Variants in OTUD7A observed in about 807,000 individuals in gnomAD.
OTUD7A encodes the protein OTU domain-containing protein 7A.
A neutral mutation model predicts 65.7 loss-of-function variants in OTUD7A; 12 were observed. The ratio of observed to expected loss-of-function variants is 0.18; its 90% confidence interval spans 0.12 to 0.30. The LOEUF (loss-of-function observed/expected upper bound fraction) is 0.30, where lower values mean the gene tolerates loss of function less well. OTUD7A is among the 10% of genes least tolerant of loss of function. The pLI, the probability that OTUD7A is intolerant of heterozygous loss-of-function variation, is 1.00. For missense variants in OTUD7A, 1,148 were observed against 1,304.8 expected (o/e 0.88, Z 1.85); for synonymous variants, 641 against 586.3 (o/e 1.09, Z -1.35).
intron 5 of OTUD7A, among the ~76,000 whole-genome samples, chr15:31,551,490 T>A (rs1888322359): frequency 6.6e-6 from 1 of 152,150 alleles, no homozygotes; most frequent in Non-Finnish European, 1.5e-5. Flanking sequence ...AGGCAGGTGG[T>A]TTCACACGTG....
At chr15:31,641,799 C>T (rs1176289124) in intron 3 of OTUD7A, among the ~76,000 whole-genome samples, 1 of 152,136 alleles carries the variant, frequency 6.6e-6, no homozygotes, top group Non-Finnish European at 1.5e-5. Flanking sequence ...CTTACTAGTT[C>T]CAAAAAATGC....
chr15:31,794,627 T>G (rs1467000196), intron 1 of OTUD7A, among the ~76,000 whole-genome samples: 1 of 77,458 alleles, frequency 1.3e-5, no homozygotes, highest in Non-Finnish European at 3.2e-5. Flanking sequence ...GGGAATAGAA[T>G]AGTGAAAAAA....
intron 1 of OTUD7A, among the ~76,000 whole-genome samples, chr15:31,739,625 C>T (rs887917976): frequency 3.3e-5 from 5 of 152,050 alleles, no homozygotes; most frequent in Non-Finnish European, 7.4e-5. Context: ...CAGAGTGTCA[C>T]TCTGTTGCCC....
chr15:31,849,906 T>C (rs1296487781), intron 1 of OTUD7A, among the ~76,000 whole-genome samples: 1 of 152,118 alleles, frequency 6.6e-6, no homozygotes, highest in Non-Finnish European at 1.5e-5. Context: ...AAACAACAGG[T>C]CCTGGAAAGG....
chr15:31,616,976 A>T (rs1226732215), intron 3 of OTUD7A, among the ~76,000 whole-genome samples: 1 of 152,222 alleles, frequency 6.6e-6, no homozygotes, highest in Non-Finnish European at 1.5e-5. Context: ...TACCGATCTC[A>T]AACAGTTTTA....
At chr15:31,535,687 T>G (rs1595591993) in intron 5 of OTUD7A, among the ~76,000 whole-genome samples, 4 of 147,926 alleles carry the variant, frequency 2.7e-5, no homozygotes, top group African/African-American at 1.0e-4. Context: ...TTTTTTTTTT[T>G]TTTTTTTGAG....
chr15:31,587,547 A>T (rs371564750), intron 3 of OTUD7A, among the ~76,000 whole-genome samples: 6 of 151,986 alleles, frequency 3.9e-5, no homozygotes, highest in African/African-American at 1.4e-4. Flanking sequence ...AGGCTGAGGC[A>T]GGAGAATTGC....
chr15:31,816,272 C>A (rs1896547099), intron 1 of OTUD7A, among the ~76,000 whole-genome samples: 1 of 152,206 alleles, frequency 6.6e-6, no homozygotes, highest in African/African-American at 2.4e-5. Context: ...CTGGACTAAA[C>A]AAAGGAGATA....
intron 1 of OTUD7A, among the ~76,000 whole-genome samples, chr15:31,728,285 T>C (rs1450049135): frequency 6.6e-6 from 1 of 152,182 alleles, no homozygotes. Flanking sequence ...ACCTTCAAAA[T>C]AGCATTGAGG....
chr15:31,815,676 C>T (rs939611925), intron 1 of OTUD7A, among the ~76,000 whole-genome samples: 53 of 152,310 alleles, frequency 3.5e-4, no homozygotes, highest in African/African-American at 1.1e-3. Flanking sequence ...GAAGTGGTGG[C>T]GGCAGGATGG....
In OTUD7A at chr15:31,569,809, T is replaced by C. The variant is rs146385597; in HGVS notation, c.331+209A>G. On this transcript the variant is annotated intron_variant, in intron 4 of 12. Coordinates refer to ENST00000307050, the MANE Select transcript of OTUD7A (RefSeq NM_001382637.1). ...TGGGGTCCTAGGAAATCAGACTCAT[T>C]TTTCTGCTTTTCTGAGGTAGAGGTT... Among the ~76,000 whole-genome samples, 3 of 152,256 alleles carry C rather than the reference T, an allele frequency of 2.0e-5. No homozygotes were observed. The East Asian group carries it at 5.8e-4, about 29-fold the overall frequency.
intron 4 of OTUD7A, among the ~76,000 whole-genome samples, chr15:31,562,167 T>C: frequency 6.6e-6 from 1 of 152,302 alleles, no homozygotes; most frequent in Non-Finnish European, 1.5e-5. Flanking sequence ...CTCTGGCACC[T>C]GGGACCTCCC....
At chr15:31,600,842 A>G (rs1890051795) in intron 3 of OTUD7A, among the ~76,000 whole-genome samples, 1 of 152,234 alleles carries the variant, frequency 6.6e-6, no homozygotes, top group Non-Finnish European at 1.5e-5. Context: ...TTAAACCAAC[A>G]AAGATCAAAA....
At chr15:31,727,969 C>A (rs144511106) in intron 1 of OTUD7A, among the ~76,000 whole-genome samples, 145 of 152,312 alleles carry the variant, frequency 9.5e-4, no homozygotes, top group Admixed American at 1.6e-3. Context: ...GTAGCCACGT[C>A]TTTAAATATC....
intron 5 of OTUD7A, among the ~76,000 whole-genome samples, chr15:31,545,953 T>A (rs1888117716): frequency 6.6e-6 from 1 of 152,128 alleles, no homozygotes; most frequent in South Asian, 2.1e-4. Context: ...AAAAAAAAAT[T>A]CCATAAAGTT....
Position 31,634,193 on chromosome 15 carries a change from C to G in OTUD7A, c.151+20903G>C, listed in dbSNP as rs369321115. Among the ~76,000 whole-genome samples the G allele has an allele frequency of 2.0e-4, 31 of 152,276 alleles. 1 individual carries two copies. Among genetic ancestry groups the G allele is most frequent in the African/African-American group, 7.5e-4 (31 of 41,558 alleles). ...CGTGAAGGCACATCATAAACATGCA[C>G]AACCACCTCCCCTGGAGCCCCGTCA... On this transcript the variant is annotated intron_variant, in intron 3 of 12. Transcript: ENST00000307050.
rs947645375 is a variant in OTUD7A, at chr15:31,480,946, G to C, written c.*2348C>G. On this transcript the variant is annotated 3_prime_UTR_variant, in exon 13 of 13. Transcript: ENST00000307050. Reference sequence around the variant, plus strand: ...GCACATCTGTCATCAGATGGTGATGGGTGGAGGTAACTTGGAAATGCAAGG... The same window carrying C: ...GCACATCTGTCATCAGATGGTGATGCGTGGAGGTAACTTGGAAATGCAAGG... 5 of 152,260 alleles carry C rather than the reference G, an allele frequency of 3.3e-5. No individual in the cohort carries two copies. Among genetic ancestry groups the C allele is most frequent in the African/African-American group, 1.2e-4 (5 of 41,458 alleles). The allele number at this position is 152,260 out of a possible 1,614,324, so 9.4% of individuals were successfully genotyped here. A position where few individuals can be genotyped will look rare whatever the true frequency, so the allele number is the denominator to read the frequency against.
In OTUD7A at chr15:31,681,680, G is replaced by C. The variant is rs182208326; in HGVS notation, c.-99-24603C>G. Among the ~76,000 whole-genome samples, 5 of 151,826 alleles carry C rather than the reference G, an allele frequency of 3.3e-5. No homozygotes were observed. The East Asian group carries it at 9.7e-4, about 29-fold the overall frequency. On this transcript the variant is annotated intron_variant, in intron 1 of 12. Coordinates refer to ENST00000307050, the MANE Select transcript of OTUD7A (RefSeq NM_001382637.1). ...ATGACTGTCTAATTTCTCTCTGACAGTCTAATTTCTATTGACCACTGTTGA... is the reference window on the plus strand; with the variant it reads ...ATGACTGTCTAATTTCTCTCTGACACTCTAATTTCTATTGACCACTGTTGA...
chr15:31,724,618 A>G (rs1177843684), intron 1 of OTUD7A, among the ~76,000 whole-genome samples: 1 of 152,188 alleles, frequency 6.6e-6, no homozygotes, highest in Non-Finnish European at 1.5e-5. Context: ...TACTCACAGA[A>G]TGGGGGCATA....
Sources: allele counts gnomAD v4.1 joint callset (sites outside exome capture counted in the v4.1 genomes callset), GRCh38; gene constraint gnomAD v4.1.1; transcripts MANE v1.5; gene names NCBI Gene and HGNC (gene_info 2026-07-23, HGNC 2026-07-21).